Variants in SPOCK1 observed in about 807,000 individuals in gnomAD.
The protein encoded by SPOCK1 is testican-1.
In SPOCK1, 23 loss-of-function variants were observed where a neutral mutation model predicts 55.3. The ratio of observed to expected loss-of-function variants is 0.42; its 90% confidence interval spans 0.30 to 0.59. SPOCK1 has a LOEUF of 0.59. SPOCK1 is among the 20% of genes least tolerant of loss of function. The pLI, the probability that SPOCK1 is intolerant of heterozygous loss-of-function variation, is 0.22. For synonymous variants in SPOCK1, 226 were observed against 221.0 expected (o/e 1.02, Z -0.20); for missense variants, 499 against 552.5 (o/e 0.90, Z 0.97).
intron 2 of SPOCK1, among the ~76,000 whole-genome samples, chr5:137,417,870 T>A (rs544251351): frequency 2.0e-5 from 3 of 152,204 alleles, no homozygotes; most frequent in Non-Finnish European, 2.9e-5. Context: ...TTGTTACATA[T>A]GTATACATGT....
intron 4 of SPOCK1, among the ~76,000 whole-genome samples, chr5:137,129,770 G>A (rs1350385997): frequency 1.3e-5 from 2 of 152,150 alleles, no homozygotes; most frequent in Non-Finnish European, 2.9e-5. Context: ...CACAAATCTT[G>A]TTACCTCTGG....
chr5:137,498,109 C>T (rs1685897987), intron 2 of SPOCK1, among the ~76,000 whole-genome samples: 1 of 152,146 alleles, frequency 6.6e-6, no homozygotes, highest in Non-Finnish European at 1.5e-5. Flanking sequence ...GCAGTCACCT[C>T]CCGCAGCCCT....
chr5:137,301,874 G>C (rs990397019), intron 2 of SPOCK1, among the ~76,000 whole-genome samples: 1 of 152,034 alleles, frequency 6.6e-6, no homozygotes, highest in Non-Finnish European at 1.5e-5. Context: ...TACTGCTTCA[G>C]AGTCATCAAT....
At chr5:136,998,656 G>A (rs962417130) in intron 6 of SPOCK1, among the ~76,000 whole-genome samples, 1 of 152,232 alleles carries the variant, frequency 6.6e-6, no homozygotes, top group African/African-American at 2.4e-5. Flanking sequence ...TGCAGGTGAG[G>A]TAGCTAGCTG....
intron 3 of SPOCK1, among the ~76,000 whole-genome samples, chr5:137,208,184 A>T (rs1462061248): frequency 6.6e-6 from 1 of 152,182 alleles, no homozygotes; most frequent in Non-Finnish European, 1.5e-5. Context: ...ATTTACGAGT[A>T]GAAGGAGAGA....
chr5:137,192,232 CAAAAAAA>C lies in SPOCK1; in HGVS notation c.233-51545_233-51539del, dbSNP rs60401497. ...TGGGTGACAGAGCAAGACTCTGTCTCAAAAAAAAAAAAAAAAAAAAAAAGAAAAGGAA... is the reference window on the plus strand; with the variant it reads ...TGGGTGACAGAGCAAGACTCTGTCTCAAAAAAAAAAAAAAAAGAAAAGGAA... On this transcript the variant is annotated intron_variant, in intron 3 of 10. Transcript: ENST00000394945. 2.1e-3 allele frequency among the ~76,000 whole-genome samples: 140 copies of C among 68,276 alleles called. No individual in the cohort carries two copies. In the East Asian group the frequency reaches 0.058, roughly 28 times the overall value. The allele number at this position is 68,276 out of a possible 152,430, so 44.8% of individuals were successfully genotyped here.
At position 137,265,000 on chromosome 5, in the gene SPOCK1, C is replaced by T. The variant is rs1423330833; in HGVS notation, c.232+2010G>A. Among the ~76,000 whole-genome samples the T allele has an allele frequency of 3.3e-5, 5 of 152,138 alleles. No individual in the cohort carries two copies. The East Asian group carries it at 9.6e-4, about 29-fold the overall frequency. On this transcript the variant is annotated intron_variant, in intron 3 of 10. Transcript: ENST00000394945. Reference sequence around the variant, plus strand: ...CATAAGGTTTTCTGGGAGGGTTAATCTGAGCAGACCCAGTTTTCAAGCCTG... The same window carrying T: ...CATAAGGTTTTCTGGGAGGGTTAATTTGAGCAGACCCAGTTTTCAAGCCTG...
intron 2 of SPOCK1, among the ~76,000 whole-genome samples, chr5:137,311,648 T>G (rs1757791398): frequency 1.3e-5 from 2 of 152,226 alleles, no homozygotes; most frequent in South Asian, 4.1e-4. Context: ...TTATTGACTT[T>G]TCTCCTTTTG....
intron 3 of SPOCK1, among the ~76,000 whole-genome samples, chr5:137,158,067 A>C (rs560256473): frequency 6.6e-6 from 1 of 152,248 alleles, no homozygotes; most frequent in African/African-American, 2.4e-5. Context: ...CATCCCCCCA[A>C]AAAAAAGAAA....
At chr5:137,141,208 C>A (rs184187353) in intron 3 of SPOCK1, among the ~76,000 whole-genome samples, 1 of 152,330 alleles carries the variant, frequency 6.6e-6, no homozygotes, top group African/African-American at 2.4e-5. Context: ...TCCTCAACAT[C>A]AGGGGAGCAA....
chr5:137,022,029 G>A (rs553531792), intron 6 of SPOCK1, among the ~76,000 whole-genome samples: 1 of 152,262 alleles, frequency 6.6e-6, no homozygotes, highest in East Asian at 1.9e-4. Context: ...CTTGCTTAGA[G>A]AGATGGCATC....
intron 3 of SPOCK1, 24 bp from the exon 4 acceptor site, chr5:137,140,718 G>T (rs372996324): frequency 2.1e-6 from 3 of 1,449,372 alleles, no homozygotes; most frequent in Non-Finnish European, 2.8e-6. Flanking sequence ...AAGAAGGAGG[G>T]CAGGGTTTAG....
intron 2 of SPOCK1, among the ~76,000 whole-genome samples, chr5:137,417,465 C>A (rs1314289433): frequency 2.6e-5 from 4 of 151,524 alleles, no homozygotes; most frequent in African/African-American, 9.7e-5. Context: ...CCACACCAAT[C>A]AGTCAAGATA....
intron 2 of SPOCK1, among the ~76,000 whole-genome samples, chr5:137,317,174 C>T (rs927157961): frequency 5.3e-5 from 8 of 152,168 alleles, no homozygotes; most frequent in African/African-American, 1.7e-4. Context: ...TCTCTGGTCA[C>T]CAACTACAGC....
At chr5:137,281,114 A>G (rs1353391224) in intron 2 of SPOCK1, among the ~76,000 whole-genome samples, 2 of 152,194 alleles carry the variant, frequency 1.3e-5, no homozygotes, top group African/African-American at 4.8e-5. Flanking sequence ...TTCATATATT[A>G]TCTATATATT....
intron 2 of SPOCK1, among the ~76,000 whole-genome samples, chr5:137,297,541 A>C (rs1308478985): frequency 1.3e-5 from 2 of 152,226 alleles, no homozygotes; most frequent in Non-Finnish European, 2.9e-5. Context: ...AACGATAAGT[A>C]TCAGACTATG....
intron 2 of SPOCK1, among the ~76,000 whole-genome samples, chr5:137,375,797 G>A (rs1169506747): frequency 6.6e-6 from 1 of 152,146 alleles, no homozygotes; most frequent in Non-Finnish European, 1.5e-5. Context: ...CGGCTAATGG[G>A]AGCTTTGTGC....
At chr5:137,274,405 A>G (rs1043366548) in intron 2 of SPOCK1, among the ~76,000 whole-genome samples, 2 of 152,190 alleles carry the variant, frequency 1.3e-5, no homozygotes, top group East Asian at 1.9e-4. Context: ...GCCTTGCACA[A>G]TCTACTCAGC....
intron 2 of SPOCK1, among the ~76,000 whole-genome samples, chr5:137,440,384 A>G (rs770058141): frequency 3.9e-5 from 6 of 152,170 alleles, no homozygotes; most frequent in Non-Finnish European, 5.9e-5. Context: ...GCATGGCCCA[A>G]GAATGTAATG....
Sources: gnomAD v4.1 joint callset for allele counts (sites outside exome capture counted in the v4.1 genomes callset) on GRCh38, gnomAD v4.1.1 for gene constraint, MANE v1.5 for transcripts, NCBI Gene and HGNC (gene_info 2026-07-23, HGNC 2026-07-21) for gene names.